The following LANCL1 variants were observed in gnomAD, a reference collection of about 807,000 sequenced individuals.
LANCL1 encodes LanC like glutathione S-transferase 1, also known as glutathione S-transferase LANCL1.
LANCL1 carries 50 observed loss-of-function variants against 50.6 expected under a neutral mutation model. The ratio of observed to expected loss-of-function variants is 0.99; its 90% CI spans 0.79 to 1.25. LANCL1 has a LOEUF of 1.25. Ranked by LOEUF, LANCL1 falls within the 50% of genes most tolerant of loss-of-function variation. The pLI is 0.00. For missense variants in LANCL1, 532 were observed against 480.7 expected (o/e 1.11, Z -1.00); for synonymous variants, 188 against 178.6 (o/e 1.05, Z -0.42).
intron 4 of LANCL1, among the ~76,000 whole-genome samples, chr2:210,447,389 T>A (rs1009618933): frequency 6.6e-6 from 1 of 152,196 alleles, no homozygotes; most frequent in African/African-American, 2.4e-5. Context: ...TGGTACCAGC[T>A]ACTGCAAAAA....
chr2:210,473,429 C>T (rs1300185584), intron 2 of LANCL1, among the ~76,000 whole-genome samples: 1 of 152,136 alleles, frequency 6.6e-6, no homozygotes, highest in African/African-American at 2.4e-5. Context: ...TATTGTCTCC[C>T]TCAATAATTT....
chr2:210,435,325 A>G, intron 9 of LANCL1, 62 bp downstream of exon 9: 1 of 1,321,104 alleles, frequency 7.6e-7, no homozygotes, highest in Admixed American at 1.8e-5. Flanking sequence ...AAATACATTA[A>G]TTACCAAGCA....
Position 210,434,433 on chromosome 2 carries a change from G to A in LANCL1, c.*54C>T. 7.2e-7 allele frequency: 1 copy of A among 1,395,476 alleles called. No individual in the cohort carries two copies. The highest frequency in any genetic ancestry group is 1.2e-5 in the South Asian group (1 of 80,392). The allele number at this position is 1,395,476 out of a possible 1,614,324, so 86.4% of individuals were successfully genotyped here. On this transcript the variant is annotated 3_prime_UTR_variant, in exon 10 of 10. Transcript: ENST00000450366. ...AAAGCAACGGAAGCACTTAGCTTGG[G>A]TTTGAATATACAGAAAGGGTCATGC...
chr2:210,476,265 C>T (rs778237597), intron 2 of LANCL1, 51 bp downstream of exon 2: 2 of 1,403,032 alleles, frequency 1.4e-6, no homozygotes, highest in Non-Finnish European at 2.0e-6. Context: ...AGCACCTTTC[C>T]GAACACCGTG....
intron 8 of LANCL1, 131 bp from the exon 9 acceptor site, chr2:210,435,590 G>T: frequency 2.8e-6 from 2 of 702,590 alleles, no homozygotes; most frequent in African/African-American, 1.8e-5. Flanking sequence ...GGAGATTAAT[G>T]CAGAGAAAAG....
At chr2:210,441,907 C>T (rs1376938014) in intron 4 of LANCL1, among the ~76,000 whole-genome samples, 1 of 134,900 alleles carries the variant, frequency 7.4e-6, no homozygotes, top group African/African-American at 3.2e-5. Context: ...AATACATGTA[C>T]ATTTTTTTTT....
At chr2:210,437,620 G>C (rs1692977654) in intron 7 of LANCL1, 70 bp downstream of exon 7, 1 of 936,432 alleles carries the variant, frequency 1.1e-6, no homozygotes, top group East Asian at 2.9e-5. Flanking sequence ...TATGGATTAG[G>C]ATAAAACTAA....
At chr2:210,435,893 C>CTTTTTT (rs71043994) in intron 8 of LANCL1, among the ~76,000 whole-genome samples, 131 of 64,248 alleles carry the variant, frequency 2.0e-3, no homozygotes, top group Non-Finnish European at 2.7e-3. Flanking sequence ...GGGAGACCTG[C>CTTTTTT]TTTTTTTTTT....
At chr2:210,461,617 CTT>C (rs1693865105) in intron 3 of LANCL1, among the ~76,000 whole-genome samples, 3 of 152,158 alleles carry the variant, frequency 2.0e-5, no homozygotes, top group Admixed American at 6.5e-5. Flanking sequence ...TACATATCCT[CTT>C]GTTTAAAATG....
At chr2:210,442,272 C>A (rs2105892726) in intron 4 of LANCL1, among the ~76,000 whole-genome samples, 1 of 152,284 alleles carries the variant, frequency 6.6e-6, no homozygotes, top group Middle Eastern at 3.4e-3. Flanking sequence ...TCCCAGCCTT[C>A]TAGTTCTCCT....
chr2:210,435,893 CTTTTTTTTTTTTT>C (rs71043994), intron 8 of LANCL1, among the ~76,000 whole-genome samples: 2 of 64,228 alleles, frequency 3.1e-5, no homozygotes, highest in Admixed American at 4.6e-4. Flanking sequence ...GGGAGACCTG[CTTTTTTTTTTTTT>C]TTTTTTTTTT....
chr2:210,445,684 AACTAACAAGCAC>A (rs1693302523), intron 4 of LANCL1, among the ~76,000 whole-genome samples: 1 of 152,198 alleles, frequency 6.6e-6, no homozygotes, highest in African/African-American at 2.4e-5. Context: ...GAAACTCTCA[AACTAACAAGCAC>A]TTTGTTGCAG....
At chr2:210,455,445 T>C (rs1236278564) in intron 3 of LANCL1, 131 bp from the exon 4 acceptor site, 1 of 734,786 alleles carries the variant, frequency 1.4e-6, no homozygotes, top group African/African-American at 1.8e-5. Context: ...GAAGTTTGGG[T>C]GACTTTAATT....
At chr2:210,471,631 TC>T (rs1435864250) in intron 3 of LANCL1, 1 of 493,620 alleles carries the variant, frequency 2.0e-6, no homozygotes, top group East Asian at 5.8e-5. Context: ...TTGGAACTCT[TC>T]CCAATTCTTC....
At chr2:210,475,501 T>TA (rs978868003) in intron 2 of LANCL1, among the ~76,000 whole-genome samples, 6 of 151,864 alleles carry the variant, frequency 4.0e-5, no homozygotes, top group African/African-American at 9.7e-5. Context: ...GGCTAATTTT[T>TA]AAAAAAATTT....
Position 210,455,316 on chromosome 2 carries a change from T to TTAAA in LANCL1, c.200-3_200-2insTTTA. ...GATGTAAGTAAAGCACAGCAATACC[T>TTAAA]GAAAAAAAAAAAAGGAAACAATGTA... is the stretch of plus-strand genomic sequence containing the variant. On this transcript the variant is annotated splice_region_variant and splice_polypyrimidine_tract_variant and intron_variant, in intron 3 of 9. Coordinates refer to ENST00000450366, the MANE Select transcript of LANCL1 (RefSeq NM_006055.3). 3 of 999,936 alleles carry TTAAA rather than the reference T, an allele frequency of 3.0e-6. No homozygotes were observed. The highest frequency in any genetic ancestry group is 2.0e-5 in the South Asian group (1 of 49,252). 61.9% of individuals were successfully genotyped at this position (999,936 alleles called of 1,614,324 possible). A position where few individuals can be genotyped will look rare whatever the true frequency, so the allele number is the denominator to read the frequency against.
chr2:210,473,695 A>G (rs1396815044), intron 2 of LANCL1, among the ~76,000 whole-genome samples: 3 of 152,222 alleles, frequency 2.0e-5, no homozygotes, highest in African/African-American at 7.2e-5. Context: ...ACTTCGGAGG[A>G]GCATCCTTGA....
rs561931766 is a variant in LANCL1 at position 210,463,857 on chromosome 2, G to T, written c.199+8102C>A. 3.3e-5 allele frequency among the ~76,000 whole-genome samples: 5 copies of T among 152,246 alleles called. No homozygotes were observed. In the South Asian group the frequency reaches 1.0e-3, roughly 32 times the overall value. ...TTTACCTCTGCTGTGAATAAAAAAGGTAAAAGTCAGGGATACAGCTTGTAA... is the reference window on the plus strand; with the variant it reads ...TTTACCTCTGCTGTGAATAAAAAAGTTAAAAGTCAGGGATACAGCTTGTAA... On this transcript the variant is annotated intron_variant, in intron 3 of 9. Transcript: ENST00000450366.
At position 210,451,472 on chromosome 2, in the gene LANCL1, T is replaced by C. The variant is rs555111095; in HGVS notation, c.407+3635A>G. Reference sequence around the variant, plus strand: ...ATGTACCCCGGAACTCAAAGTATAATAACAACAAAAAAGTAGAAGCATAAG... The same window carrying C: ...ATGTACCCCGGAACTCAAAGTATAACAACAACAAAAAAGTAGAAGCATAAG... On this transcript the variant is annotated intron_variant, in intron 4 of 9. Coordinates refer to ENST00000450366, the MANE Select transcript of LANCL1 (RefSeq NM_006055.3). Among the ~76,000 whole-genome samples the C allele has an allele frequency of 1.8e-4, 28 of 152,162 alleles. No individual in the cohort carries two copies. In the South Asian group the frequency reaches 2.5e-3, roughly 14 times the overall value.
Sources: gnomAD v4.1 joint callset for allele counts (sites outside exome capture counted in the v4.1 genomes callset) on GRCh38, gnomAD v4.1.1 for gene constraint, MANE v1.5 for transcripts, NCBI Gene and HGNC (gene_info 2026-07-23, HGNC 2026-07-21) for gene names.